The following FAM83B variants were observed in gnomAD, a reference collection of about 807,000 sequenced individuals.
The protein encoded by FAM83B is protein FAM83B.
Under a neutral mutation model 38.8 loss-of-function variants are expected in FAM83B, and 26 were observed. That is an observed-to-expected ratio of 0.67 (90% CI 0.49 to 0.93). The LOEUF is 0.93. FAM83B is among the 40% of genes least tolerant of loss of function. The pLI is 0.00. For synonymous variants in FAM83B, 419 were observed against 423.1 expected (o/e 0.99, Z 0.12); for missense variants, 1,237 against 1,197.3 (o/e 1.03, Z -0.49).
chr6:54,929,860 T>TA (rs1226261310), intron 4 of FAM83B, among the ~76,000 whole-genome samples: 2 of 152,190 alleles, frequency 1.3e-5, no homozygotes, highest in South Asian at 2.1e-4. Flanking sequence ...TTGCACATTT[T>TA]AAAAAAATCA....
intron 1 of FAM83B, among the ~76,000 whole-genome samples, chr6:54,849,103 C>CCGCT (rs1322270730): frequency 6.6e-6 from 1 of 152,200 alleles, no homozygotes; most frequent in African/African-American, 2.4e-5. Flanking sequence ...CAGAATACAT[C>CCGCT]CGCTCCCCCA....
At chr6:54,921,510 G>C (rs1773168924) in intron 2 of FAM83B, among the ~76,000 whole-genome samples, 1 of 151,928 alleles carries the variant, frequency 6.6e-6, no homozygotes. Flanking sequence ...GTAGCGTTCT[G>C]AAAGTTTTCT....
At chr6:54,849,193 T>A (rs540775307) in intron 1 of FAM83B, among the ~76,000 whole-genome samples, 1 of 152,320 alleles carries the variant, frequency 6.6e-6, no homozygotes, top group South Asian at 2.1e-4. Flanking sequence ...CAAATAGCAC[T>A]TAAACTCCAT....
At chr6:54,898,472 GA>G (rs1332904369) in intron 2 of FAM83B, among the ~76,000 whole-genome samples, 1 of 152,164 alleles carries the variant, frequency 6.6e-6, no homozygotes, top group Non-Finnish European at 1.5e-5. Flanking sequence ...CACAAAAAAT[GA>G]AGTGCTGCCC....
intron 2 of FAM83B, among the ~76,000 whole-genome samples, chr6:54,907,034 A>G (rs1255412465): frequency 1.3e-5 from 2 of 152,204 alleles, no homozygotes; most frequent in African/African-American, 2.4e-5. Flanking sequence ...AAGGGTGAAC[A>G]GTAGCATCAA....
intron 2 of FAM83B, among the ~76,000 whole-genome samples, chr6:54,924,273 T>C (rs528765795): frequency 6.6e-6 from 1 of 151,902 alleles, no homozygotes; most frequent in Admixed American, 6.6e-5. Context: ...TGAGTCTCTA[T>C]CTTAACATCA....
Position 54,907,612 on chromosome 6 carries a change from G to A in FAM83B, c.445-18759G>A, listed in dbSNP as rs541694075. Among the ~76,000 whole-genome samples the A allele has an allele frequency of 2.0e-4, 29 of 146,508 alleles. 1 individual carries two copies. The highest frequency in any genetic ancestry group is 6.5e-4 in the African/African-American group (25 of 38,198). On this transcript the variant is annotated intron_variant, in intron 2 of 4. Coordinates refer to ENST00000306858, the MANE Select transcript of FAM83B (RefSeq NM_001010872.3). ...GAGAGGTTTTGATGATATTTTCATA[G>A]AGAATGTTTTATGAAGATTTTTTTT...
Position 54,870,407 on chromosome 6 carries a change from A to G in FAM83B, c.161A>G (p.Asp54Gly), listed in dbSNP as rs1157280395. The change falls in exon 2 of 5, where the codon GAC becomes GGC. Residue 54 changes from aspartate to glycine, a missense_variant. Transcript: ENST00000306858. The part of the protein sequence containing the change: ...QEFLVQERVS[D>G]FLAEEEINYI... ...TTTCTTGTCCAGGAACGAGTTTCAGACTTTCTTGCTGAGGAAGAAATTAAT... is the reference window on the plus strand; with the variant it reads ...TTTCTTGTCCAGGAACGAGTTTCAGGCTTTCTTGCTGAGGAAGAAATTAAT... 1 of 1,614,108 alleles carries G rather than the reference A, an allele frequency of 6.2e-7. No individual in the cohort carries two copies. The highest frequency in any genetic ancestry group is 8.5e-7 in the Non-Finnish European group (1 of 1,179,980).
At chr6:54,905,403 G>T (rs1434013558) in intron 2 of FAM83B, among the ~76,000 whole-genome samples, 1 of 152,112 alleles carries the variant, frequency 6.6e-6, no homozygotes, top group East Asian at 1.9e-4. Context: ...TGTTTATCAG[G>T]TACAATGTGA....
At chr6:54,863,807 T>C (rs1019534128) in intron 1 of FAM83B, among the ~76,000 whole-genome samples, 3 of 152,210 alleles carry the variant, frequency 2.0e-5, no homozygotes, top group African/African-American at 4.8e-5. Context: ...TGTTTTGGCA[T>C]CTAACATGTA....
At chr6:54,902,455 GGTTAT>G (rs1327973187) in intron 2 of FAM83B, among the ~76,000 whole-genome samples, 1 of 151,844 alleles carries the variant, frequency 6.6e-6, no homozygotes, top group Non-Finnish European at 1.5e-5. Context: ...TCTTTTCTGG[GGTTAT>G]GTTATTAGGA....
chr6:54,879,221 A>C (rs577919216), intron 2 of FAM83B, among the ~76,000 whole-genome samples: 2 of 152,362 alleles, frequency 1.3e-5, no homozygotes, highest in East Asian at 3.9e-4. Context: ...GAACCCAAAT[A>C]GACTGACTTG....
intron 2 of FAM83B, among the ~76,000 whole-genome samples, chr6:54,884,858 C>T (rs1000211623): frequency 8.1e-4 from 123 of 151,738 alleles, no homozygotes; most frequent in South Asian, 8.3e-4. Flanking sequence ...CTGCAAGCTC[C>T]GCCTCCCGGG....
chr6:54,884,039 C>CA (rs1561913542), intron 2 of FAM83B, among the ~76,000 whole-genome samples: 2 of 152,066 alleles, frequency 1.3e-5, no homozygotes, highest in African/African-American at 4.8e-5. Context: ...CATGGTGACT[C>CA]ACGCCTTTAA....
chr6:54,846,514 T>C (rs529201751), upstream of FAM83B, among the ~76,000 whole-genome samples: 1 of 152,336 alleles, frequency 6.6e-6, no homozygotes, highest in African/African-American at 2.4e-5. Flanking sequence ...AAAGGCTTTT[T>C]CATACTCCGC....
intron 4 of FAM83B, among the ~76,000 whole-genome samples, chr6:54,932,292 G>A (rs1181178748): frequency 5.3e-5 from 8 of 152,042 alleles, no homozygotes; most frequent in Admixed American, 2.6e-4. Flanking sequence ...GATTACAGGC[G>A]TAAGCCACCA....
At position 54,880,467 on chromosome 6, in the gene FAM83B, C is replaced by T. The variant is rs1195645547; in HGVS notation, c.444+9777C>T. Among the ~76,000 whole-genome samples, 10 of 77,100 alleles carry T rather than the reference C, an allele frequency of 1.3e-4. No individual in the cohort carries two copies. In the East Asian group the frequency reaches 1.4e-3, roughly 11 times the overall value. The allele number at this position is 77,100 out of a possible 152,430, so 50.6% of individuals were successfully genotyped here. Reference sequence around the variant, plus strand: ...TTTTTTTTTTTTTTTTTTTTTGAGACGGAGTCTCGCTTTGTTGCCCAGCCT... The same window carrying T: ...TTTTTTTTTTTTTTTTTTTTTGAGATGGAGTCTCGCTTTGTTGCCCAGCCT... On this transcript the variant is annotated intron_variant, in intron 2 of 4. Transcript: ENST00000306858.
At chr6:54,878,324 G>A (rs898973732) in intron 2 of FAM83B, among the ~76,000 whole-genome samples, 31 of 152,106 alleles carry the variant, frequency 2.0e-4, no homozygotes, top group South Asian at 1.2e-3. Flanking sequence ...GAAACCCTGC[G>A]TACCCTTGAA....
chr6:54,919,495 A>AT (rs1039904450), intron 2 of FAM83B, among the ~76,000 whole-genome samples: 2 of 151,980 alleles, frequency 1.3e-5, no homozygotes, highest in South Asian at 4.1e-4. Context: ...AATAATCTAG[A>AT]TTTTTCCCCC....
Sources: gnomAD v4.1 joint callset for allele counts (sites outside exome capture counted in the v4.1 genomes callset) on GRCh38, gnomAD v4.1.1 for gene constraint, MANE v1.5 for transcripts, NCBI Gene and HGNC (gene_info 2026-07-23, HGNC 2026-07-21) for gene names.